The following ETS1 variants were observed in gnomAD, a reference collection of about 807,000 sequenced individuals.
The protein encoded by ETS1 is protein C-ets-1.
In ETS1, 15 loss-of-function variants were observed where a neutral mutation model predicts 58.6. The observed-to-expected ratio is 0.26, with a 90% CI of 0.17 to 0.39. ETS1 has a LOEUF of 0.39. Ranked by LOEUF, ETS1 falls within the 10% of genes least tolerant of loss-of-function variation. The pLI is 1.00. For missense variants in ETS1, 417 were observed against 610.5 expected (o/e 0.68, Z 3.34); for synonymous variants, 214 against 218.2 (o/e 0.98, Z 0.17).
intron 3 of ETS1, chr11:128,526,937 A>G (rs1488719354): frequency 8.8e-6 from 4 of 456,168 alleles, no homozygotes. Flanking sequence ...CCAGGGCCAC[A>G]CAATCTAAAA....
chr11:128,536,262 C>T (rs1863971328), intron 3 of ETS1: 1 of 152,192 alleles, frequency 6.6e-6, no homozygotes, highest in Non-Finnish European at 1.5e-5. Context: ...ATGTGAAAAT[C>T]ACACCTGTTA....
At chr11:128,547,754 A>T (rs1864153829) in intron 3 of ETS1, among the ~76,000 whole-genome samples, 1 of 152,136 alleles carries the variant, frequency 6.6e-6, no homozygotes, top group Non-Finnish European at 1.5e-5. Context: ...TCTAACTAGG[A>T]TGTCCAGGAA....
At chr11:128,479,947 T>C (rs1371685772) in intron 8 of ETS1, among the ~76,000 whole-genome samples, 1 of 151,692 alleles carries the variant, frequency 6.6e-6, no homozygotes, top group Non-Finnish European at 1.5e-5. Flanking sequence ...AAAATGTAAG[T>C]TTCCTACCAT....
intron 7 of ETS1, 49 bp from the exon 8 acceptor site, chr11:128,480,500 G>A: frequency 2.2e-6 from 3 of 1,338,654 alleles, no homozygotes; most frequent in Admixed American, 4.0e-5. Flanking sequence ...GGAGGGAGTG[G>A]GAAAAAAAAA....
At chr11:128,520,469 A>T (rs4430527) in intron 3 of ETS1, among the ~76,000 whole-genome samples, 138,579 of 152,318 alleles carry the variant, frequency 0.91, 63,199 homozygotes, top group South Asian at 0.97. Context: ...TATATCTTTG[A>T]TGTGAACTAT....
chr11:128,492,057 C>G (rs746541704), intron 3 of ETS1, among the ~76,000 whole-genome samples: 44 of 152,196 alleles, frequency 2.9e-4, no homozygotes, highest in Non-Finnish European at 5.7e-4. Context: ...CTGAGAATCC[C>G]TACTAGCTTT....
chr11:128,587,128 T>C (rs1449872758), intron 1 of ETS1, among the ~76,000 whole-genome samples: 4 of 149,530 alleles, frequency 2.7e-5, no homozygotes, highest in Non-Finnish European at 5.9e-5. Context: ...GAAATTTATA[T>C]ATTTAACTAC....
intron 3 of ETS1, among the ~76,000 whole-genome samples, chr11:128,506,623 C>T (rs1863242459): frequency 6.6e-6 from 1 of 151,968 alleles, no homozygotes; most frequent in African/African-American, 2.4e-5. Context: ...CAGGATGGCG[C>T]CCCTGGCAGT....
intron 8 of ETS1, among the ~76,000 whole-genome samples, chr11:128,472,952 T>C (rs956176392): frequency 6.6e-6 from 1 of 152,222 alleles, no homozygotes; most frequent in Non-Finnish European, 1.5e-5. Context: ...TTTTGAATAT[T>C]TTCTGACATG....
chr11:128,580,862 T>C (rs1864856373), intron 1 of ETS1, among the ~76,000 whole-genome samples: 1 of 152,196 alleles, frequency 6.6e-6, no homozygotes, highest in Admixed American at 6.5e-5. Flanking sequence ...CATCTCCTAT[T>C]TCTCTAAAAA....
chr11:128,485,065 C>T lies in ETS1; in HGVS notation c.620G>A (p.Gly207Asp). The T allele has an allele frequency of 6.2e-7, 1 of 1,609,690 alleles. No individual in the cohort carries two copies. The highest frequency in any genetic ancestry group is 8.5e-7 in the Non-Finnish European group (1 of 1,176,820). The change falls in exon 7 of 10, where the codon GGT becomes GAT. Residue 207 changes from glycine to aspartate, a missense_variant. Transcript: ENST00000392668. Reference protein sequence around the residue: ...RYTSDYFISYGIEHAQCVPPS... With the variant: ...RYTSDYFISYDIEHAQCVPPS... ...TGGAACACACTGGGCATGCTCAATA[C>T]CATAGCCTGGAAACAAAGGGTTTGC...
In ETS1 at chr11:128,573,058, T is replaced by C. The variant is rs943247950; in HGVS notation, c.69+4A>G. ...AAAGGGGCAGGGAAGGGGCCACCAC[T>C]CACCACCACTGCAGGACGAGGCGCT... On this transcript the variant is annotated splice_donor_region_variant and intron_variant, in intron 2 of 9. Coordinates refer to ENST00000392668, the MANE Select transcript of ETS1 (RefSeq NM_001143820.2). 1 of 1,602,408 alleles carries C rather than the reference T, an allele frequency of 6.2e-7. No homozygotes were observed. The highest frequency in any genetic ancestry group is 8.5e-7 in the Non-Finnish European group (1 of 1,174,530).
intron 3 of ETS1, among the ~76,000 whole-genome samples, chr11:128,523,439 T>A (rs1426809489): frequency 6.6e-6 from 1 of 152,256 alleles, no homozygotes; most frequent in Non-Finnish European, 1.5e-5. Flanking sequence ...CCATCTTTGA[T>A]TAACAGAAAG....
In ETS1 at chr11:128,490,424, C is replaced by G. The variant is rs75076137; in HGVS notation, c.334+33G>C. 4,820 of 1,612,626 alleles carry G rather than the reference C, an allele frequency of 3.0e-3. 131 individuals are homozygous for G. In the African/African-American group the frequency reaches 0.054, roughly 18 times the overall value. On this transcript the variant is annotated intron_variant, in intron 4 of 9. Transcript: ENST00000392668. ...ATGTGTCTTCCCAAAGGGTCTGACC[C>G]CAACCACTCTTTTTCCAACTACAAA...
At chr11:128,514,281 T>C (rs1169882775) in intron 3 of ETS1, among the ~76,000 whole-genome samples, 1 of 152,278 alleles carries the variant, frequency 6.6e-6, no homozygotes, top group Non-Finnish European at 1.5e-5. Flanking sequence ...ATAAGCTTAC[T>C]CAATAACTCT....
chr11:128,517,791 T>C (rs1863564489), intron 3 of ETS1, among the ~76,000 whole-genome samples: 2 of 151,658 alleles, frequency 1.3e-5, no homozygotes, highest in African/African-American at 4.9e-5. Flanking sequence ...CTCCGGGAGG[T>C]TGACCACGAG....
rs1410528009 is a variant in ETS1 at position 128,549,217 on chromosome 11, TG to T, written c.214+7073del. ...GGCGGCCAGACACAGCACTACAGGC[TG>T]TCCCTGCGGCGCAGCCCGCCCCCAC... On this transcript the variant is annotated intron_variant, in intron 3 of 9. Coordinates refer to ENST00000392668, the MANE Select transcript of ETS1 (RefSeq NM_001143820.2). The surrounding 1 kb of genome is among the most constrained non-coding windows in gnomAD (Gnocchi z 4.3). Among the ~76,000 whole-genome samples the T allele has an allele frequency of 6.6e-6, 1 of 152,160 alleles. No homozygotes were observed. Among genetic ancestry groups the T allele is most frequent in the African/African-American group, 2.4e-5 (1 of 41,422 alleles).
chr11:128,580,951 A>G (rs942379021), intron 1 of ETS1, among the ~76,000 whole-genome samples: 2 of 152,214 alleles, frequency 1.3e-5, no homozygotes, highest in African/African-American at 4.8e-5. Flanking sequence ...TTCTTAGAAT[A>G]TTAAAATGAA....
At chr11:128,546,823 A>G (rs1221110215) in intron 3 of ETS1, among the ~76,000 whole-genome samples, 1 of 152,130 alleles carries the variant, frequency 6.6e-6, no homozygotes, top group Non-Finnish European at 1.5e-5. Flanking sequence ...CCTATATGAC[A>G]TAAGGATGCT....
Sources: allele counts gnomAD v4.1 joint callset (sites outside exome capture counted in the v4.1 genomes callset), GRCh38; gene constraint gnomAD v4.1.1; non-coding constraint Gnocchi (gnomAD v3.1); transcripts MANE v1.5; gene names NCBI Gene and HGNC (gene_info 2026-07-23, HGNC 2026-07-21).